CRACR2A: variants seen among roughly 807,000 people sequenced by gnomAD.
The protein encoded by CRACR2A is EF-hand calcium-binding domain-containing protein 4B.
In CRACR2A, 79 loss-of-function variants were observed where a neutral mutation model predicts 90.5. That is an observed-to-expected ratio of 0.87 (90% CI 0.73 to 1.05). CRACR2A has a LOEUF of 1.05. CRACR2A is among the 50% of genes least tolerant of loss of function. CRACR2A has a pLI of 0.00. For synonymous variants in CRACR2A, 338 were observed against 356.7 expected (o/e 0.95, Z 0.59); for missense variants, 823 against 897.2 (o/e 0.92, Z 1.06).
chr12:3,686,335 A>C (rs543878857), intron 4 of CRACR2A, among the ~76,000 whole-genome samples: 1 of 152,212 alleles, frequency 6.6e-6, no homozygotes, highest in African/African-American at 2.4e-5. Context: ...AAAACACATA[A>C]AAGAATGAGC....
chr12:3,735,238 G>A (rs10848916), intron 1 of CRACR2A, among the ~76,000 whole-genome samples: 2,106 of 152,200 alleles, frequency 0.014, 79 homozygotes, highest in East Asian at 0.11. Context: ...GAAGCCCTGC[G>A]GAGATAGAGC....
At chr12:3,666,394 C>T (rs564527263) in intron 7 of CRACR2A, among the ~76,000 whole-genome samples, 23 of 151,724 alleles carry the variant, frequency 1.5e-4, no homozygotes, top group Non-Finnish European at 2.5e-4. Context: ...CGCACACGCT[C>T]ATGTGTACAT....
chr12:3,625,431 G>A (rs1487899174), intron 17 of CRACR2A, among the ~76,000 whole-genome samples: 3 of 151,602 alleles, frequency 2.0e-5, no homozygotes, highest in Admixed American at 1.3e-4. Flanking sequence ...CCTAATGACA[G>A]CAGAGAGCGT....
At chr12:3,636,065 A>T (rs1293326523) in intron 14 of CRACR2A, among the ~76,000 whole-genome samples, 1 of 152,192 alleles carries the variant, frequency 6.6e-6, no homozygotes, top group Non-Finnish European at 1.5e-5. Flanking sequence ...CTATTATTGG[A>T]CATTTTTTTT....
chr12:3,715,634 AG>A (rs1440099264), intron 2 of CRACR2A, among the ~76,000 whole-genome samples: 1 of 152,246 alleles, frequency 6.6e-6, no homozygotes, highest in African/African-American at 2.4e-5. Flanking sequence ...GTGAAAGTAA[AG>A]GTTAAACCAG....
chr12:3,691,149 A>G (rs1274875901), intron 4 of CRACR2A, among the ~76,000 whole-genome samples: 3 of 152,132 alleles, frequency 2.0e-5, no homozygotes, highest in Non-Finnish European at 4.4e-5. Flanking sequence ...TAGCCTGTTT[A>G]TATTCAAGGT....
intron 1 of CRACR2A, among the ~76,000 whole-genome samples, chr12:3,739,088 T>G (rs1946488089): frequency 6.8e-6 from 1 of 148,036 alleles, no homozygotes; most frequent in Non-Finnish European, 1.5e-5. Flanking sequence ...AAAATGAAAA[T>G]TTTAAAAGAT....
intron 2 of CRACR2A, among the ~76,000 whole-genome samples, chr12:3,714,594 T>C (rs1042260255): frequency 1.1e-4 from 16 of 152,246 alleles, no homozygotes; most frequent in African/African-American, 3.9e-4. Flanking sequence ...AGACTATAAA[T>C]AAGATATGAA....
chr12:3,750,178 C>T (rs912863890), intron 1 of CRACR2A, among the ~76,000 whole-genome samples: 2 of 151,938 alleles, frequency 1.3e-5, no homozygotes, highest in African/African-American at 4.8e-5. Flanking sequence ...TCAGGTGATC[C>T]ACCCGCCTCA....
intron 12 of CRACR2A, among the ~76,000 whole-genome samples, chr12:3,644,071 C>A (rs1944638896): frequency 7.3e-6 from 1 of 137,900 alleles, no homozygotes. Flanking sequence ...TATATATGCA[C>A]ACACTACATA....
intron 2 of CRACR2A, among the ~76,000 whole-genome samples, chr12:3,716,669 C>G (rs1315873134): frequency 6.6e-6 from 1 of 152,176 alleles, no homozygotes; most frequent in African/African-American, 2.4e-5. Context: ...TTTGTAAATG[C>G]TGATTTTTGG....
intron 3 of CRACR2A, among the ~76,000 whole-genome samples, chr12:3,708,883 G>C (rs1945970457): frequency 6.6e-6 from 1 of 152,136 alleles, no homozygotes; most frequent in Non-Finnish European, 1.5e-5. Flanking sequence ...CAAGTCTCCA[G>C]ACCTAAATAT....
At chr12:3,655,228 A>T (rs140122637) in intron 9 of CRACR2A, among the ~76,000 whole-genome samples, 1 of 152,254 alleles carries the variant, frequency 6.6e-6, no homozygotes, top group Non-Finnish European at 1.5e-5. Context: ...TCGAGTGGCA[A>T]TCATTCATTT....
intron 7 of CRACR2A, among the ~76,000 whole-genome samples, chr12:3,664,361 C>T (rs1945090126): frequency 6.6e-6 from 1 of 152,168 alleles, no homozygotes; most frequent in African/African-American, 2.4e-5. Flanking sequence ...GCTTCAAATA[C>T]TTTATATCCT....
chr12:3,683,662 T>C (rs1199359546), intron 4 of CRACR2A, among the ~76,000 whole-genome samples: 3 of 152,250 alleles, frequency 2.0e-5, no homozygotes, highest in African/African-American at 4.8e-5. Context: ...TTTTATATAC[T>C]GATAGATGTG....
intron 14 of CRACR2A, among the ~76,000 whole-genome samples, chr12:3,636,963 C>G (rs932911648): frequency 6.6e-6 from 1 of 152,258 alleles, no homozygotes; most frequent in African/African-American, 2.4e-5. Flanking sequence ...GCCTCTTTCA[C>G]ACTGCCGTGG....
rs1311610614 is a variant in CRACR2A, at chr12:3,627,679, T to C, written c.1763A>G (p.Asn588Ser). The change falls in exon 16 of 20, where the codon AAT becomes AGT. Residue 588 changes from asparagine to serine, a missense_variant. Coordinates refer to ENST00000440314, the MANE Select transcript of CRACR2A (RefSeq NM_001144958.2). The part of the protein sequence containing the change: ...VGIDYRVKTL[N>S]VDNSQVALQL... ...CAGGGCCACCTGAGAGTTGTCCACA[T>C]TCAACGTCTTCACACGGTAATCAAT... is the stretch of plus-strand genomic sequence containing the variant. The C allele has an allele frequency of 3.2e-6, 5 of 1,551,644 alleles. No homozygotes were observed. The highest frequency in any genetic ancestry group is 3.9e-5 in the Admixed American group (2 of 50,984).
intron 1 of CRACR2A, among the ~76,000 whole-genome samples, chr12:3,749,795 T>TTGTGTGTGTGTGTGTGTG (rs200387314): frequency 6.9e-6 from 1 of 144,580 alleles, no homozygotes; most frequent in East Asian, 2.1e-4. Flanking sequence ...TGCTGTTTCT[T>TTGTGTGTGTGTGTGTGTG]TGTGTGTGTG....
At chr12:3,736,967 G>A (rs988182274) in intron 1 of CRACR2A, among the ~76,000 whole-genome samples, 2 of 152,184 alleles carry the variant, frequency 1.3e-5, no homozygotes, top group Admixed American at 1.3e-4. Flanking sequence ...TCATGTGCCA[G>A]GCTTTGTGCT....
Sources: gnomAD v4.1 joint callset for allele counts (sites outside exome capture counted in the v4.1 genomes callset) on GRCh38, gnomAD v4.1.1 for gene constraint, MANE v1.5 for transcripts, NCBI Gene and HGNC (gene_info 2026-07-23, HGNC 2026-07-21) for gene names.